PDZRN3: variants seen among roughly 807,000 people sequenced by gnomAD.
The protein encoded by PDZRN3 is PDZ domain containing ring finger 3.
A neutral mutation model predicts 85.7 loss-of-function variants in PDZRN3; 38 were observed. The ratio of observed to expected loss-of-function variants is 0.44; its 90% CI spans 0.34 to 0.58. PDZRN3 has a LOEUF of 0.58. Among genes scored for constraint, PDZRN3 ranks in the 20% least tolerant of loss-of-function variants. PDZRN3 has a pLI of 0.01. For missense variants in PDZRN3, 1,629 were observed against 1,506.4 expected (o/e 1.08, Z -1.35); for synonymous variants, 759 against 638.0 (o/e 1.19, Z -2.86).
chr3:73,580,128 C>T (rs1159051022), intron 3 of PDZRN3, among the ~76,000 whole-genome samples: 1 of 152,156 alleles, frequency 6.6e-6, no homozygotes, highest in Non-Finnish European at 1.5e-5. Context: ...TTGAGTTGAT[C>T]TTCACTGAGG....
rs540441632 is a variant in PDZRN3, at chr3:73,407,099, G to A, written c.919-2704C>T. On this transcript the variant is annotated intron_variant, in intron 3 of 9. Transcript: ENST00000263666. ...ATGGTGGTCTTGGTCCTTTTGCCTC[G>A]TGATGGATTTAGACATGGGTATACA... Among the ~76,000 whole-genome samples the A allele has an allele frequency of 7.9e-5, 12 of 152,282 alleles. No homozygotes were observed. In the South Asian group the frequency reaches 1.2e-3, roughly 16 times the overall value.
rs1553706426 is a variant in PDZRN3 at position 73,600,337 on chromosome 3, A to ACT, written c.918+2015_918+2016dup. Among the ~76,000 whole-genome samples, 895 of 100,050 alleles carry ACT rather than the reference A, an allele frequency of 8.9e-3. 4 individuals are homozygous for ACT. The highest frequency in any genetic ancestry group is 0.025 in the South Asian group (64 of 2,566). The allele number at this position is 100,050 out of a possible 152,430, so 65.6% of individuals were successfully genotyped here. On this transcript the variant is annotated intron_variant, in intron 3 of 9. Transcript: ENST00000263666. ...CACACACACACACACACACACACAC[A>ACT]CTCTCTCTCTCTCTCTCTCTCTCTC...
intron 2 of PDZRN3, among the ~76,000 whole-genome samples, chr3:73,604,224 C>A (rs1178281846): frequency 1.3e-5 from 2 of 152,232 alleles, no homozygotes; most frequent in South Asian, 2.1e-4. Context: ...CTAGTCTGAA[C>A]ACATCCGTGT....
intron 3 of PDZRN3, among the ~76,000 whole-genome samples, chr3:73,497,214 G>T (rs1703883448): frequency 6.6e-6 from 1 of 151,440 alleles, no homozygotes; most frequent in Non-Finnish European, 1.5e-5. Flanking sequence ...TTTACACTCA[G>T]AACAGAAAAA....
At chr3:73,550,585 C>T (rs1701530982) in intron 3 of PDZRN3, among the ~76,000 whole-genome samples, 2 of 152,214 alleles carry the variant, frequency 1.3e-5, no homozygotes, top group Admixed American at 1.3e-4. Context: ...CAAGCCAAAT[C>T]TCACAGCAGC....
At chr3:73,599,469 G>A (rs888676278) in intron 3 of PDZRN3, among the ~76,000 whole-genome samples, 12 of 152,270 alleles carry the variant, frequency 7.9e-5, no homozygotes, top group Admixed American at 3.3e-4. Context: ...AGTTTCAGTC[G>A]AGGAAGATGA....
chr3:73,493,804 T>C (rs1029043680), intron 3 of PDZRN3, among the ~76,000 whole-genome samples: 1 of 152,192 alleles, frequency 6.6e-6, no homozygotes, highest in Admixed American at 6.5e-5. Flanking sequence ...CTCCCTATGA[T>C]TTTTGCTAGA....
At chr3:73,618,193 CT>C (rs1702794744) in intron 1 of PDZRN3, among the ~76,000 whole-genome samples, 1 of 152,156 alleles carries the variant, frequency 6.6e-6, no homozygotes, top group South Asian at 2.1e-4. Flanking sequence ...GTTTTTTCAT[CT>C]GTAAAATGGA....
intron 3 of PDZRN3, among the ~76,000 whole-genome samples, chr3:73,586,138 G>C (rs1446798745): frequency 6.6e-6 from 1 of 152,116 alleles, no homozygotes; most frequent in Admixed American, 6.5e-5. Flanking sequence ...TTTTTAAAAA[G>C]AGCAAAATCA....
intron 3 of PDZRN3, among the ~76,000 whole-genome samples, chr3:73,512,220 T>G (rs1192402465): frequency 6.6e-6 from 1 of 152,226 alleles, no homozygotes; most frequent in Admixed American, 6.5e-5. Context: ...GAGCACAACT[T>G]TGTAAGCCCA....
At chr3:73,442,941 A>G (rs900336269) in intron 3 of PDZRN3, among the ~76,000 whole-genome samples, 7 of 152,142 alleles carry the variant, frequency 4.6e-5, no homozygotes, top group African/African-American at 1.7e-4. Context: ...GAGCCTTGGT[A>G]TAAGATCAGA....
At chr3:73,528,468 G>A (rs985697013) in intron 3 of PDZRN3, among the ~76,000 whole-genome samples, 1 of 152,134 alleles carries the variant, frequency 6.6e-6, no homozygotes, top group African/African-American at 2.4e-5. Flanking sequence ...ACACGGCCCA[G>A]TTTTAGCCCA....
chr3:73,499,869 A>G (rs1304130506), intron 3 of PDZRN3, among the ~76,000 whole-genome samples: 1 of 152,180 alleles, frequency 6.6e-6, no homozygotes, highest in African/African-American at 2.4e-5. Context: ...ACCTACCTCT[A>G]CATTATTGTG....
rs369857452 is a variant in PDZRN3 at position 73,523,010 on chromosome 3, TTTTGTTTG to T, written c.918+79336_918+79343del. On this transcript the variant is annotated intron_variant, in intron 3 of 9. Coordinates refer to ENST00000263666, the MANE Select transcript of PDZRN3 (RefSeq NM_015009.3). ...AAAACACAATAAAAGGAAGAGTTTT[TTTTGTTTG>T]TTTGTTTGTTTGTTTGTTTTTTGAG... is the stretch of plus-strand genomic sequence containing the variant. Among the ~76,000 whole-genome samples the T allele has an allele frequency of 1.1e-3, 161 of 152,128 alleles. 1 individual carries two copies. Among genetic ancestry groups the T allele is most frequent in the African/African-American group, 2.9e-3 (120 of 41,474 alleles).
In PDZRN3 at chr3:73,414,141, T is replaced by C. The variant is rs567839905; in HGVS notation, c.919-9746A>G. 3.3e-5 allele frequency among the ~76,000 whole-genome samples: 5 copies of C among 152,222 alleles called. No individual in the cohort carries two copies. In the South Asian group the frequency reaches 1.0e-3, roughly 32 times the overall value. ...CAGTCATGTCTCAGAGTCAGAGAAATCTCTGAGCAGCAAGAAAACAAGCAA... is the reference window on the plus strand; with the variant it reads ...CAGTCATGTCTCAGAGTCAGAGAAACCTCTGAGCAGCAAGAAAACAAGCAA... On this transcript the variant is annotated intron_variant, in intron 3 of 9. Coordinates refer to ENST00000263666, the MANE Select transcript of PDZRN3 (RefSeq NM_015009.3).
intron 3 of PDZRN3, among the ~76,000 whole-genome samples, chr3:73,478,503 A>G (rs903296809): frequency 6.6e-6 from 1 of 151,922 alleles, no homozygotes; most frequent in Non-Finnish European, 1.5e-5. Flanking sequence ...GATTATGGTG[A>G]ATTGTATAAT....
At chr3:73,391,336 T>C (rs373134345) in intron 5 of PDZRN3, among the ~76,000 whole-genome samples, 15 of 152,170 alleles carry the variant, frequency 9.9e-5, no homozygotes, top group Non-Finnish European at 1.9e-4. Context: ...ATTTTGAAAA[T>C]AGTTATTTCA....
intron 3 of PDZRN3, among the ~76,000 whole-genome samples, chr3:73,423,409 T>A (rs991999629): frequency 6.6e-6 from 1 of 152,258 alleles, no homozygotes; most frequent in African/African-American, 2.4e-5. Flanking sequence ...GGGAGAAAAC[T>A]GTTATTCTCC....
At chr3:73,458,538 T>C (rs150948437) in intron 3 of PDZRN3, among the ~76,000 whole-genome samples, 189 of 148,830 alleles carry the variant, frequency 1.3e-3, no homozygotes, top group African/African-American at 4.5e-3. Context: ...CTAGCATTTA[T>C]TGAACACTTA....
Sources: gnomAD v4.1 joint callset for allele counts (sites outside exome capture counted in the v4.1 genomes callset) on GRCh38, gnomAD v4.1.1 for gene constraint, MANE v1.5 for transcripts, NCBI Gene and HGNC (gene_info 2026-07-23, HGNC 2026-07-21) for gene names.